MACF1: variants seen among roughly 807,000 people sequenced by gnomAD.
MACF1 encodes the protein microtubule-actin cross-linking factor 1.
MACF1 carries 193 observed loss-of-function variants against 854.8 expected under a neutral mutation model. The observed-to-expected ratio is 0.23, with a 90% CI of 0.20 to 0.25. The LOEUF is 0.25. Ranked by LOEUF, MACF1 falls within the 10% of genes least tolerant of loss-of-function variation. MACF1 has a pLI of 1.00. For missense variants in MACF1, 7,722 were observed against 8,929.1 expected, an observed-to-expected ratio of 0.86 and a Z score of 5.45; for synonymous variants, 3,185 against 3,226.7, an observed-to-expected ratio of 0.99 and a Z score of 0.44.
chr1:39,463,743 C>G lies in MACF1; in HGVS notation c.21753+57C>G, dbSNP rs1488937416. The G allele has an allele frequency of 2.7e-6, 4 of 1,472,152 alleles. No individual in the cohort carries two copies. The African/African-American group carries it at 5.5e-5, about 20-fold the overall frequency. 91.2% of individuals were successfully genotyped at this position (1,472,152 alleles called of 1,614,324 possible). On this transcript the variant is annotated intron_variant, in intron 94 of 100. Coordinates refer to ENST00000564288, the MANE Select transcript of MACF1 (RefSeq NM_001394062.1). ...GGTGGTTTCTCATATGTGGCTGATC[C>G]CACCTTTTCCTCCTGATGCTTAGAG...
rs572714232 is a variant in MACF1, at chr1:39,460,121, C to T, written c.21361-511C>T. Among the ~76,000 whole-genome samples, 1 of 152,338 alleles carries T rather than the reference C, an allele frequency of 6.6e-6. No individual in the cohort carries two copies. Among genetic ancestry groups the T allele is most frequent in the Non-Finnish European group, 1.5e-5 (1 of 68,036 alleles). ...TCTGGTGCCATTCCAAAGAAACATG[C>T]TTGGATACAACATTGGGTTCCCAAT... On this transcript the variant is annotated intron_variant, in intron 91 of 100. Coordinates refer to ENST00000564288, the MANE Select transcript of MACF1 (RefSeq NM_001394062.1). The surrounding 1 kb of genome is among the most constrained non-coding windows in gnomAD (Gnocchi z 4.1).
At chr1:39,186,803 T>A (rs1401310831) in intron 2 of MACF1, among the ~76,000 whole-genome samples, 1 of 150,942 alleles carries the variant, frequency 6.6e-6, no homozygotes, top group Non-Finnish European at 1.5e-5. Flanking sequence ...GAGTTGGGGG[T>A]CTTGTTTTGT....
At chr1:39,308,689 C>G (rs986866354) in intron 23 of MACF1, among the ~76,000 whole-genome samples, 1 of 150,932 alleles carries the variant, frequency 6.6e-6, no homozygotes, top group Non-Finnish European at 1.5e-5. Flanking sequence ...GAGTTCTGCT[C>G]TTGTTGCCCA....
intron 99 of MACF1, among the ~76,000 whole-genome samples, chr1:39,482,464 G>A (rs1012098780): frequency 6.6e-6 from 1 of 152,204 alleles, no homozygotes; most frequent in Non-Finnish European, 1.5e-5. Flanking sequence ...AGAAAAATTA[G>A]AATGGCATGC....
Position 39,284,194 on chromosome 1 carries a change from A to G in MACF1, c.1035+9A>G, listed in dbSNP as rs374047523. 15 of 1,609,350 alleles carry G rather than the reference A, an allele frequency of 9.3e-6. No individual in the cohort carries two copies. In the East Asian group the frequency reaches 2.5e-4, roughly 26 times the overall value. ...ACCCTGTTGAACTAAAGGTAAAGTC[A>G]AGGACTTAAATTTTTTTGGTAAAAT... On this transcript the variant is annotated intron_variant, in intron 10 of 100. Transcript: ENST00000564288.
intron 2 of MACF1, among the ~76,000 whole-genome samples, chr1:39,243,277 C>T (rs1232575458): frequency 6.6e-6 from 1 of 152,204 alleles, no homozygotes; most frequent in African/African-American, 2.4e-5. Flanking sequence ...TCAGGGAGTG[C>T]AAACAGGCAA....
chr1:39,350,740 GCACT>G, intron 42 of MACF1, 41 bp from the exon 43 acceptor site: 1 of 1,398,330 alleles, frequency 7.2e-7, no homozygotes, highest in Non-Finnish European at 1.0e-6. Flanking sequence ...GGACTTAGAA[GCACT>G]AAAGTCGAAG....
At chr1:39,185,659 A>G (rs772298070) in intron 2 of MACF1, among the ~76,000 whole-genome samples, 3 of 152,192 alleles carry the variant, frequency 2.0e-5, no homozygotes, top group Non-Finnish European at 4.4e-5. Flanking sequence ...GCTGATCATG[A>G]GTTTTGTTTT....
In MACF1 at chr1:39,283,816, T is replaced by C. The variant is rs1048720143; in HGVS notation, c.916-250T>C. Among the ~76,000 whole-genome samples the C allele has an allele frequency of 5.3e-5, 8 of 152,148 alleles. No homozygotes were observed. The highest frequency in any genetic ancestry group is 1.9e-4 in the African/African-American group (8 of 41,398). On this transcript the variant is annotated intron_variant, in intron 9 of 100. Coordinates refer to ENST00000564288, the MANE Select transcript of MACF1 (RefSeq NM_001394062.1). This position sits in a 1 kb window ranked among gnomAD's most constrained non-coding sequence, Gnocchi z 4.5. ...TCACTTATGTATCAGCTTGATTAGG[T>C]AGATCATGGCTCTTTTCAGAATATT...
intron 2 of MACF1, among the ~76,000 whole-genome samples, chr1:39,194,332 TTTTCTTTTC>T (rs1644290966): frequency 1.0e-5 from 1 of 96,552 alleles, no homozygotes; most frequent in Admixed American, 1.0e-4. Context: ...TTTTCTTTTC[TTTTCTTTTC>T]TTTTCTTTTC....
At chr1:39,422,950 A>G in intron 60 of MACF1, 50 bp downstream of exon 60, 8 of 1,535,244 alleles carry the variant, frequency 5.2e-6, no homozygotes, top group Non-Finnish European at 7.2e-6. Flanking sequence ...AGGGAGTAGT[A>G]GACAACACAT....
chr1:39,318,407 T>G lies in MACF1; in HGVS notation c.3783-46T>G, dbSNP rs756984093. On this transcript the variant is annotated intron_variant, in intron 29 of 100. Transcript: ENST00000564288. ...GGGAATTACCTCATTTACTTTATTG[T>G]ATTTGTACCAAGGTATCTGATAGCA... is the stretch of plus-strand genomic sequence containing the variant. 28 of 1,556,446 alleles carry G rather than the reference T, an allele frequency of 1.8e-5. No homozygotes were observed. In the Admixed American group the frequency reaches 2.1e-4, roughly 11 times the overall value.
chr1:39,188,685 AC>A (rs1429714747), intron 2 of MACF1, among the ~76,000 whole-genome samples: 1 of 152,168 alleles, frequency 6.6e-6, no homozygotes, highest in East Asian at 1.9e-4. Context: ...CTGGAGTGCA[AC>A]CTCTGCCTCC....
chr1:39,211,367 T>C (rs1256777557), intron 1 of MACF1, among the ~76,000 whole-genome samples: 1 of 152,170 alleles, frequency 6.6e-6, no homozygotes, highest in Non-Finnish European at 1.5e-5. Context: ...ATTGAAGACA[T>C]AGTGCTTTCC....
intron 60 of MACF1, among the ~76,000 whole-genome samples, chr1:39,423,285 C>G (rs1349752774): frequency 6.6e-6 from 1 of 151,280 alleles, no homozygotes. Flanking sequence ...AAAATTTATC[C>G]CAAAGGAAAT....
At chr1:39,265,767 TCTA>T (rs1645223297) in intron 6 of MACF1, among the ~76,000 whole-genome samples, 3 of 152,198 alleles carry the variant, frequency 2.0e-5, no homozygotes, top group Non-Finnish European at 4.4e-5. Context: ...TCAGGGACCA[TCTA>T]TATCTTAGGA....
chr1:39,090,373 T>C (rs1264511083), intron 2 of MACF1, among the ~76,000 whole-genome samples: 2 of 152,194 alleles, frequency 1.3e-5, no homozygotes, highest in Non-Finnish European at 2.9e-5. Flanking sequence ...GAATTGTAGC[T>C]ACACACCACC....
At chr1:39,406,616 T>A (rs1642710002) in intron 58 of MACF1, among the ~76,000 whole-genome samples, 1 of 151,422 alleles carries the variant, frequency 6.6e-6, no homozygotes, top group South Asian at 2.1e-4. Context: ...ATGCCTGTAA[T>A]CCCAGCTATT....
At position 39,353,186 on chromosome 1, in the gene MACF1, G is replaced by T. The variant is rs752958640; in HGVS notation, c.11379G>T (p.Val3793=). The T allele has an allele frequency of 6.2e-7, 1 of 1,610,904 alleles. No homozygotes were observed. The highest frequency in any genetic ancestry group is 8.5e-7 in the Non-Finnish European group (1 of 1,177,252). The part of the protein sequence containing the change: ...ALDTTDGYMG[V]NQAPEKLDKQ... Reference sequence around the variant, plus strand: ...ACACCACTGATGGTTACATGGGGGTGAATCAAGCCCCAGAGAAACTGGACA... The same window carrying T: ...ACACCACTGATGGTTACATGGGGGTTAATCAAGCCCCAGAGAAACTGGACA... The change falls in exon 44 of 101, where the codon GTG becomes GTT. Residue 3793 remains valine, a synonymous_variant. Transcript: ENST00000564288.
Sources: allele counts gnomAD v4.1 joint callset (sites outside exome capture counted in the v4.1 genomes callset), GRCh38; gene constraint gnomAD v4.1.1; non-coding constraint Gnocchi (gnomAD v3.1); transcripts MANE v1.5; gene names NCBI Gene and HGNC (gene_info 2026-07-23, HGNC 2026-07-21).